Variants in FOCAD observed in about 807,000 individuals in gnomAD.
The protein encoded by FOCAD is focadhesin, also known as KIAA1797.
In FOCAD, 198 loss-of-function variants were observed where a neutral mutation model predicts 225.6. The observed-to-expected ratio is 0.88, with a 90% CI of 0.78 to 0.99. The LOEUF is 0.99. Among genes scored for constraint, FOCAD ranks in the 50% least tolerant of loss-of-function variants. FOCAD has a pLI of 0.00. For synonymous variants in FOCAD, 897 were observed against 755.0 expected, an observed-to-expected ratio of 1.19 and a Z score of -3.08; for missense variants, 2,713 against 2,123.6, an observed-to-expected ratio of 1.28 and a Z score of -5.46.
At chr9:20,779,610 C>T (rs1185787105) in intron 9 of FOCAD, among the ~76,000 whole-genome samples, 2 of 152,018 alleles carry the variant, frequency 1.3e-5, no homozygotes, top group African/African-American at 4.8e-5. Context: ...ATTAGCCAGG[C>T]GTGGTGGCGC....
chr9:20,887,330 G>T (rs1188170646), intron 21 of FOCAD, among the ~76,000 whole-genome samples: 1 of 151,964 alleles, frequency 6.6e-6, no homozygotes, highest in African/African-American at 2.4e-5. Flanking sequence ...TGCCTCCTGG[G>T]TTCAAGGGAT....
intron 28 of FOCAD, among the ~76,000 whole-genome samples, chr9:20,940,524 A>G (rs1456398969): frequency 6.6e-6 from 1 of 151,956 alleles, no homozygotes; most frequent in Non-Finnish European, 1.5e-5. Flanking sequence ...GCCTCGAGTA[A>G]TCCTCCCAAC....
rs531535960 is a variant in FOCAD, at chr9:20,764,897, G to T, written c.523G>T (p.Ala175Ser). 2 of 1,613,776 alleles carry T rather than the reference G, an allele frequency of 1.2e-6. No individual in the cohort carries two copies. Among genetic ancestry groups the T allele is most frequent in the South Asian group, 1.1e-5 (1 of 91,036 alleles). ...AGAAGTTTCATGCATTCAAATAATG[G>T]CACCATTTCTGTGGTATCTGTATTG... Reference protein sequence around the residue: ...RLEVSCIQIMAPFLWYLYCEP... With the variant: ...RLEVSCIQIMSPFLWYLYCEP... The change falls in exon 7 of 44, where the codon GCA (alanine) becomes TCA (serine). Residue 175 changes from alanine to serine, a missense_variant. Ala to Ser is a moderately conservative substitution (Grantham distance 99, BLOSUM62 1). Coordinates refer to ENST00000338382, the MANE Select transcript of FOCAD (RefSeq NM_001375567.1).
Position 20,888,140 on chromosome 9 carries a change from T to C in FOCAD, c.2625+2910T>C, listed in dbSNP as rs976303798. The stretch of plus-strand genomic sequence containing the variant: ...TCATTTTCTTTTTTTTTTTTTCTTC[T>C]TTTTTTTTTTTTTTTTGAGATGGAG... On this transcript the variant is annotated intron_variant, in intron 21 of 43. Coordinates refer to ENST00000338382, the MANE Select transcript of FOCAD (RefSeq NM_001375567.1). Among the ~76,000 whole-genome samples the C allele has an allele frequency of 8.0e-5, 10 of 125,674 alleles. No individual in the cohort carries two copies. The South Asian group carries it at 1.8e-3, about 22-fold the overall frequency. 82.4% of individuals were successfully genotyped at this position (125,674 alleles called of 152,430 possible). A position where few individuals can be genotyped will look rare whatever the true frequency, so the allele number is the denominator to read the frequency against.
chr9:20,916,100 A>G (rs1374770228), intron 23 of FOCAD, among the ~76,000 whole-genome samples: 1 of 152,160 alleles, frequency 6.6e-6, no homozygotes, highest in African/African-American at 2.4e-5. Flanking sequence ...TCAAATGCAA[A>G]TATTTATGAA....
intron 15 of FOCAD, among the ~76,000 whole-genome samples, chr9:20,853,849 C>G (rs1827908367): frequency 6.6e-6 from 1 of 151,734 alleles, no homozygotes. Context: ...TTAACAACCC[C>G]TAACCCTATA....
At chr9:20,769,974 T>C (rs1250040280) in intron 7 of FOCAD, 58 bp from the exon 8 acceptor site, 9 of 1,483,850 alleles carry the variant, frequency 6.1e-6, no homozygotes, top group Admixed American at 1.8e-5. Context: ...TTGTGTACTT[T>C]AAAATTATCT....
At chr9:20,871,915 A>C (rs1393914901) in intron 18 of FOCAD, among the ~76,000 whole-genome samples, 2 of 23,240 alleles carry the variant, frequency 8.6e-5, no homozygotes, top group East Asian at 9.2e-4. Flanking sequence ...TAATAATAAT[A>C]ATAAAATAAA....
intron 18 of FOCAD, 139 bp from the exon 19 acceptor site, chr9:20,874,542 A>T: frequency 1.3e-6 from 1 of 769,444 alleles, no homozygotes; most frequent in Non-Finnish European, 2.0e-6. Flanking sequence ...TTAAAAAATT[A>T]ATTTCAGTGG....
chr9:20,669,783 AG>A (rs2131275257), intron 2 of FOCAD, among the ~76,000 whole-genome samples: 1 of 152,298 alleles, frequency 6.6e-6, no homozygotes, highest in Non-Finnish European at 1.5e-5. Flanking sequence ...TCAAAAAAAA[AG>A]AAAAAGAAAA....
At position 20,929,599 on chromosome 9, in the gene FOCAD, A is replaced by G. The variant is rs1193071836; in HGVS notation, c.3317+3A>G. The G allele has an allele frequency of 6.2e-7, 1 of 1,611,388 alleles. No homozygotes were observed. Among genetic ancestry groups the G allele is most frequent in the East Asian group, 2.2e-5 (1 of 44,874 alleles). Reference sequence around the variant, plus strand: ...CGCTTGTGTGAAGAGAAACTCAGGTACAGTTTATTAAAATATTCCTGCTTT... The same window carrying G: ...CGCTTGTGTGAAGAGAAACTCAGGTGCAGTTTATTAAAATATTCCTGCTTT... On this transcript the variant is annotated splice_donor_region_variant and intron_variant, in intron 27 of 43. Transcript: ENST00000338382.
chr9:20,799,972 G>T (rs1266345068), intron 11 of FOCAD, among the ~76,000 whole-genome samples: 1 of 152,082 alleles, frequency 6.6e-6, no homozygotes, highest in Non-Finnish European at 1.5e-5. Context: ...GCATGTTTTT[G>T]CAGTGGCTGG....
intron 6 of FOCAD, among the ~76,000 whole-genome samples, chr9:20,763,712 G>T (rs1034349620): frequency 6.6e-6 from 1 of 152,148 alleles, no homozygotes; most frequent in Admixed American, 6.6e-5. Flanking sequence ...AGTTTAGTGT[G>T]GTTTAGTGGT....
At chr9:20,795,784 G>GAAAAAAAAAAAAAAAAAAAAAAAAA in intron 11 of FOCAD, among the ~76,000 whole-genome samples, 1 of 42,408 alleles carries the variant, frequency 2.4e-5, no homozygotes, top group Non-Finnish European at 3.9e-5. Context: ...ACTCTGTCTC[G>GAAAAAAAAAAAAAAAAAAAAAAAAA]AAAAAAAAAA....
Position 20,851,062 on chromosome 9 carries a change from A to G in FOCAD, c.1921-11516A>G, listed in dbSNP as rs1827598319. On this transcript the variant is annotated intron_variant, in intron 15 of 43. Coordinates refer to ENST00000338382, the MANE Select transcript of FOCAD (RefSeq NM_001375567.1). ...ATAAAGAAGATAAATAATTAGTCTT[A>G]TGAAAATATTAGATAACCTTAAGTT... 2.6e-5 allele frequency among the ~76,000 whole-genome samples: 4 copies of G among 151,694 alleles called. 1 individual carries two copies. In the South Asian group the frequency reaches 8.3e-4, roughly 32 times the overall value.
rs138621144 is a variant in FOCAD, at chr9:20,944,764, C to T, written c.3545C>T (p.Thr1182Met). The T allele has an allele frequency of 1.9e-4, 310 of 1,612,326 alleles. 6 individuals are homozygous for T. In the South Asian group the frequency reaches 3.1e-3, roughly 16 times the overall value. The change falls in exon 29 of 44, where the codon ACG becomes ATG. Residue 1182 changes from threonine (T) to methionine (M), a missense_variant. Transcript: ENST00000338382. ...GATGACAGCGGGAGCCAGAGCAGAA[C>T]GTTTCAGGAGGTAAGAGATGGAGGC... ...HVDDSGSQSR[T>M]FQEVLAYTLS...
At chr9:20,708,446 A>C (rs958203879) in intron 1 of FOCAD, among the ~76,000 whole-genome samples, 2 of 152,110 alleles carry the variant, frequency 1.3e-5, no homozygotes, top group African/African-American at 4.8e-5. Context: ...TGTGCTGATG[A>C]TACTGCTCCT....
intron 8 of FOCAD, among the ~76,000 whole-genome samples, chr9:20,772,176 A>T (rs541327438): frequency 6.6e-6 from 1 of 152,126 alleles, no homozygotes; most frequent in African/African-American, 2.4e-5. Context: ...TCAGCTTTCT[A>T]TTTTGGGCTA....
intron 20 of FOCAD, among the ~76,000 whole-genome samples, chr9:20,883,738 T>A (rs1237487024): frequency 6.6e-6 from 1 of 152,198 alleles, no homozygotes; most frequent in Non-Finnish European, 1.5e-5. Context: ...AACCTGTAGG[T>A]TGCAGCTAAA....
Sources: allele counts gnomAD v4.1 joint callset (sites outside exome capture counted in the v4.1 genomes callset), GRCh38; gene constraint gnomAD v4.1.1; transcripts MANE v1.5; gene names NCBI Gene and HGNC (gene_info 2026-07-23, HGNC 2026-07-21).